Variants in POC1A observed in about 807,000 individuals in gnomAD.
POC1A encodes the protein POC1 centriolar protein homolog A.
POC1A carries 34 observed loss-of-function variants against 47.8 expected under a neutral mutation model. The ratio of observed to expected loss-of-function variants is 0.71; its 90% CI spans 0.54 to 0.95. POC1A has a LOEUF of 0.95. Among genes scored for constraint, POC1A ranks in the 40% least tolerant of loss-of-function variants. POC1A has a pLI of 0.00. For missense variants in POC1A, 466 were observed against 528.3 expected, an observed-to-expected ratio of 0.88 and a Z score of 1.16; for synonymous variants, 177 against 207.6, an observed-to-expected ratio of 0.85 and a Z score of 1.27.
chr3:52,100,385 G>T (rs1172070928), intron 9 of POC1A, among the ~76,000 whole-genome samples: 2 of 152,148 alleles, frequency 1.3e-5, no homozygotes, highest in Non-Finnish European at 2.9e-5. Context: ...CTGCTGCCTA[G>T]GATATATAAA....
At chr3:52,097,085 T>A (rs903520240) in intron 9 of POC1A, among the ~76,000 whole-genome samples, 7 of 152,158 alleles carry the variant, frequency 4.6e-5, no homozygotes, top group African/African-American at 1.7e-4. Context: ...TCCAGGTGAG[T>A]CCAGAGATGC....
At chr3:52,098,774 AATCGCCATGGTTT>A (rs1702901027) in intron 9 of POC1A, among the ~76,000 whole-genome samples, 1 of 152,190 alleles carries the variant, frequency 6.6e-6, no homozygotes, top group Non-Finnish European at 1.5e-5. Flanking sequence ...CCAGTCCAGC[AATCGCCATGGTTT>A]ACTTGCCATC....
At chr3:52,089,968 G>A (rs1169720870) in intron 10 of POC1A, among the ~76,000 whole-genome samples, 1 of 141,144 alleles carries the variant, frequency 7.1e-6, no homozygotes, top group Non-Finnish European at 1.5e-5. Context: ...CATGGGGGTG[G>A]GGGTGGGGGA....
At chr3:52,117,411 A>G (rs1466572866) in intron 9 of POC1A, among the ~76,000 whole-genome samples, 2 of 152,220 alleles carry the variant, frequency 1.3e-5, no homozygotes, top group Admixed American at 1.3e-4. Flanking sequence ...TGCACCACGC[A>G]TGAAATCCCA....
chr3:52,142,528 C>G (rs1358859602), intron 6 of POC1A, among the ~76,000 whole-genome samples: 2 of 152,208 alleles, frequency 1.3e-5, no homozygotes, highest in East Asian at 3.8e-4. Context: ...TAGAGCACAA[C>G]TATGGACGGC....
intron 9 of POC1A, among the ~76,000 whole-genome samples, chr3:52,112,853 T>C (rs966599915): frequency 1.3e-5 from 2 of 152,174 alleles, no homozygotes; most frequent in Non-Finnish European, 1.5e-5. Flanking sequence ...CAGGATGCCA[T>C]AGTCACAACA....
At chr3:52,151,932 A>C (rs185629774) in intron 1 of POC1A, among the ~76,000 whole-genome samples, 1 of 152,158 alleles carries the variant, frequency 6.6e-6, no homozygotes, top group Admixed American at 6.5e-5. Context: ...ACAAACGAAC[A>C]AACAAAAAAC....
chr3:52,083,781 GGCCTGGGAAGGAGA>G (rs1559808450), intron 10 of POC1A, among the ~76,000 whole-genome samples: 2 of 152,308 alleles, frequency 1.3e-5, no homozygotes, highest in East Asian at 3.9e-4. Context: ...AGGGCTGCCC[GGCCTGGGAAGGAGA>G]GCATCAACTC....
chr3:52,096,856 C>T (rs1184426566), intron 9 of POC1A, 144 bp from the exon 10 acceptor site: 5 of 707,568 alleles, frequency 7.1e-6, no homozygotes, highest in Admixed American at 2.8e-5. Context: ...GAAACAGCAG[C>T]GTGGCGGTGT....
At chr3:52,113,546 T>C (rs1235402783) in intron 9 of POC1A, among the ~76,000 whole-genome samples, 3 of 152,124 alleles carry the variant, frequency 2.0e-5, no homozygotes, top group Non-Finnish European at 4.4e-5. Context: ...CTACTAAAAA[T>C]ACAAAAGTTC....
chr3:52,101,802 C>T (rs996378125), intron 9 of POC1A, among the ~76,000 whole-genome samples: 11 of 152,064 alleles, frequency 7.2e-5, no homozygotes, highest in Non-Finnish European at 1.5e-4. Context: ...TTAGATATTT[C>T]TTATAATACA....
intron 6 of POC1A, among the ~76,000 whole-genome samples, chr3:52,140,743 C>T (rs950566287): frequency 1.3e-5 from 2 of 152,230 alleles, no homozygotes; most frequent in African/African-American, 4.8e-5. Context: ...TCCCCACTTG[C>T]TCTCCTGCCT....
chr3:52,125,653 G>A (rs1187678934), intron 7 of POC1A, among the ~76,000 whole-genome samples: 4 of 152,058 alleles, frequency 2.6e-5, no homozygotes, highest in African/African-American at 4.8e-5. Flanking sequence ...CTCCAAGGAA[G>A]AGCCAATGGC....
chr3:52,151,739 AC>A (rs1395923723), intron 1 of POC1A, among the ~76,000 whole-genome samples: 1 of 152,182 alleles, frequency 6.6e-6, no homozygotes, highest in Non-Finnish European at 1.5e-5. Context: ...ACATTCATGA[AC>A]AGGAAGACTT....
chr3:52,140,449 G>C (rs973210266), intron 6 of POC1A, among the ~76,000 whole-genome samples: 22 of 152,194 alleles, frequency 1.4e-4, no homozygotes, highest in African/African-American at 5.3e-4. Context: ...GGTGGCAGGA[G>C]GGTGCAGAAG....
intron 10 of POC1A, among the ~76,000 whole-genome samples, chr3:52,088,297 T>G (rs1371118922): frequency 2.6e-5 from 4 of 152,150 alleles, no homozygotes; most frequent in Admixed American, 1.3e-4. Context: ...TGGGAAAACC[T>G]GAGCAATCAT....
intron 9 of POC1A, among the ~76,000 whole-genome samples, chr3:52,120,479 G>C (rs1257556709): frequency 2.0e-5 from 3 of 152,206 alleles, no homozygotes; most frequent in Admixed American, 2.0e-4. Flanking sequence ...ATGATTTTAG[G>C]ATTAACAAGT....
chr3:52,105,331 C>T (rs1440203012), intron 9 of POC1A, among the ~76,000 whole-genome samples: 2 of 152,244 alleles, frequency 1.3e-5, no homozygotes, highest in Non-Finnish European at 2.9e-5. Context: ...TTGGACTGTT[C>T]ACTGTACAGC....
At chr3:52,152,005 G>A (rs1698574531) in intron 1 of POC1A, among the ~76,000 whole-genome samples, 1 of 152,184 alleles carries the variant, frequency 6.6e-6, no homozygotes, top group Admixed American at 6.5e-5. Context: ...CAGGTGAAGT[G>A]GCTCACACCT....
Sources: gnomAD v4.1 joint callset for allele counts (sites outside exome capture counted in the v4.1 genomes callset) on GRCh38, gnomAD v4.1.1 for gene constraint, MANE v1.5 for transcripts, NCBI Gene and HGNC (gene_info 2026-07-23, HGNC 2026-07-21) for gene names.